The following PRKCA variants were observed in gnomAD, a reference collection of about 807,000 sequenced individuals.
PRKCA encodes protein kinase C alpha.
PRKCA carries 27 observed loss-of-function variants against 87.0 expected under a neutral mutation model. That is an observed-to-expected ratio of 0.31 (90% CI 0.23 to 0.43). The LOEUF is 0.43. Ranked by LOEUF, PRKCA falls within the 20% of genes least tolerant of loss-of-function variation. The pLI, the probability that PRKCA is intolerant of heterozygous loss-of-function variation, is 1.00. For missense variants in PRKCA, 518 were observed against 852.3 expected (o/e 0.61, Z 4.88); for synonymous variants, 329 against 311.1 (o/e 1.06, Z -0.61).
At chr17:66,406,806 G>C (rs1037387882) in intron 2 of PRKCA, among the ~76,000 whole-genome samples, 2 of 151,948 alleles carry the variant, frequency 1.3e-5, no homozygotes, top group African/African-American at 4.8e-5. Flanking sequence ...GCCCTGCACT[G>C]TCTGCCAGGT....
In PRKCA at chr17:66,775,137, C is replaced by T. The variant is rs139846198; in HGVS notation, c.1605+1070C>T. The T allele has an allele frequency of 3.9e-5, 38 of 977,066 alleles. No homozygotes were observed. In the South Asian group the frequency reaches 5.8e-4, roughly 15 times the overall value. 60.5% of individuals were successfully genotyped at this position (977,066 alleles called of 1,614,324 possible). A position where few individuals can be genotyped will look rare whatever the true frequency, so the allele number is the denominator to read the frequency against. ...TACAAGATGGTGGTGCTGATGGATG[C>T]GAGAAGCCTGAGTCTTTGAATGACC... On this transcript the variant is annotated intron_variant, in intron 14 of 16. Coordinates refer to ENST00000413366, the MANE Select transcript of PRKCA (RefSeq NM_002737.3).
At position 66,331,307 on chromosome 17, in the gene PRKCA, C is replaced by G. The variant is rs543534782; in HGVS notation, c.205+25180C>G. On this transcript the variant is annotated intron_variant, in intron 2 of 16. Transcript: ENST00000413366. ...TCTGTGTTTAAGTATAAACAGAACCCCTTTGTACCTCTCATCTCTTTATCT... is the reference window on the plus strand; with the variant it reads ...TCTGTGTTTAAGTATAAACAGAACCGCTTTGTACCTCTCATCTCTTTATCT... Among the ~76,000 whole-genome samples the G allele has an allele frequency of 6.8e-4, 103 of 152,208 alleles. 1 individual carries two copies. Among genetic ancestry groups the G allele is most frequent in the South Asian group, 1.2e-3 (6 of 4,808 alleles).
intron 2 of PRKCA, among the ~76,000 whole-genome samples, chr17:66,458,770 C>T (rs1053784353): frequency 4.6e-5 from 7 of 152,268 alleles, no homozygotes; most frequent in South Asian, 4.1e-4. Context: ...CGTGAGCCAC[C>T]GTGCCCTGCC....
intron 14 of PRKCA, chr17:66,778,312 G>A (rs1975111301): frequency 2.8e-6 from 2 of 723,958 alleles, no homozygotes; most frequent in South Asian, 6.3e-5. Context: ...AGGAGATTGA[G>A]ACCATCCTGG....
chr17:66,390,470 C>G (rs553358650), intron 2 of PRKCA, among the ~76,000 whole-genome samples: 1 of 152,154 alleles, frequency 6.6e-6, no homozygotes, highest in Non-Finnish European at 1.5e-5. Flanking sequence ...AAGAAACACT[C>G]CATTTTAAAG....
chr17:66,324,447 C>CAAAAAAA (rs61047065), intron 2 of PRKCA, among the ~76,000 whole-genome samples: 2 of 90,662 alleles, frequency 2.2e-5, no homozygotes, highest in East Asian at 3.1e-4. Flanking sequence ...ACTAAAAATA[C>CAAAAAAA]AAAAAAAAAA....
chr17:66,347,180 T>C (rs1907433284), intron 2 of PRKCA, among the ~76,000 whole-genome samples: 1 of 152,180 alleles, frequency 6.6e-6, no homozygotes, highest in South Asian at 2.1e-4. Flanking sequence ...TTTATACAGT[T>C]ACACAAACTA....
intron 8 of PRKCA, among the ~76,000 whole-genome samples, chr17:66,712,663 C>T (rs930535146): frequency 2.0e-5 from 3 of 152,142 alleles, no homozygotes; most frequent in Non-Finnish European, 2.9e-5. Context: ...GCTGTCACCT[C>T]GTCATTCCAA....
intron 7 of PRKCA, among the ~76,000 whole-genome samples, chr17:66,688,661 G>A (rs1972694360): frequency 6.6e-6 from 1 of 152,022 alleles, no homozygotes; most frequent in African/African-American, 2.4e-5. Flanking sequence ...AAATTAGCCA[G>A]GTGTGGTGGT....
intron 2 of PRKCA, among the ~76,000 whole-genome samples, chr17:66,380,124 A>T (rs1316798422): frequency 1.3e-5 from 2 of 152,126 alleles, no homozygotes; most frequent in Non-Finnish European, 2.9e-5. Context: ...CCAATTTAGG[A>T]AGTGTTTTGA....
chr17:66,377,781 C>G (rs1487441987), intron 2 of PRKCA, among the ~76,000 whole-genome samples: 2 of 114,648 alleles, frequency 1.7e-5, no homozygotes, highest in Admixed American at 2.3e-4. Context: ...CTGCAGGTTG[C>G]TAATTAATTT....
At chr17:66,798,188 G>T (rs9905700) in intron 16 of PRKCA, among the ~76,000 whole-genome samples, 18,056 of 152,136 alleles carry the variant, frequency 0.12, 1,421 homozygotes, top group African/African-American at 0.21. Context: ...GCTTCTTCTT[G>T]CTCCCTGCTC....
intron 3 of PRKCA, among the ~76,000 whole-genome samples, chr17:66,578,822 C>T (rs1217047186): frequency 6.6e-6 from 1 of 152,196 alleles, no homozygotes; most frequent in Non-Finnish European, 1.5e-5. Context: ...GTGCCTCCTC[C>T]CAGCCGTCCT....
At chr17:66,377,521 A>G (rs1036623426) in intron 2 of PRKCA, among the ~76,000 whole-genome samples, 1 of 148,272 alleles carries the variant, frequency 6.7e-6, no homozygotes, top group Non-Finnish European at 1.5e-5. Context: ...GTATATATGT[A>G]TATATATAAT....
chr17:66,550,650 A>G (rs962108563), intron 3 of PRKCA, among the ~76,000 whole-genome samples: 2 of 152,108 alleles, frequency 1.3e-5, no homozygotes, highest in Non-Finnish European at 2.9e-5. Flanking sequence ...CTCTGTCTCA[A>G]AATCAATCAA....
rs527854692 is a variant in PRKCA, at chr17:66,805,380, A to C, written c.*1343A>C. 6.4e-6 allele frequency: 1 copy of C among 156,020 alleles called. No homozygotes were observed. The highest frequency in any genetic ancestry group is 2.0e-4 in the South Asian group (1 of 4,892). The allele number at this position is 156,020 out of a possible 1,614,324, so 9.7% of individuals were successfully genotyped here. ...GAGTATTATAATAATTTTATAAGAC[A>C]CAATTGTGCTCTATTTGTGCAGGTT... On this transcript the variant is annotated 3_prime_UTR_variant, in exon 17 of 17. Transcript: ENST00000413366.
chr17:66,606,527 A>C (rs1017426004), intron 3 of PRKCA, among the ~76,000 whole-genome samples: 3 of 152,258 alleles, frequency 2.0e-5, no homozygotes, highest in Non-Finnish European at 2.9e-5. Flanking sequence ...GAGAGCTTAC[A>C]GTAGAGGGAA....
chr17:66,791,406 T>C (rs1341852292), intron 16 of PRKCA, among the ~76,000 whole-genome samples: 1 of 151,906 alleles, frequency 6.6e-6, no homozygotes, highest in Non-Finnish European at 1.5e-5. Flanking sequence ...CTAGAAAGAA[T>C]ACAGACAGAC....
intron 3 of PRKCA, among the ~76,000 whole-genome samples, chr17:66,499,129 A>G (rs6504438): frequency 0.13 from 19,805 of 148,250 alleles, 4,156 homozygotes; most frequent in African/African-American, 0.44. Context: ...GGTATGTCCT[A>G]AAGATAAAGA....
Sources: allele counts gnomAD v4.1 joint callset (sites outside exome capture counted in the v4.1 genomes callset), GRCh38; gene constraint gnomAD v4.1.1; transcripts MANE v1.5; gene names NCBI Gene and HGNC (gene_info 2026-07-23, HGNC 2026-07-21).